The following SLC23A2 variants were observed in gnomAD, a reference collection of about 807,000 sequenced individuals.
SLC23A2 encodes the protein Na(+)/L-ascorbic acid transporter 2.
SLC23A2 carries 36 observed loss-of-function variants against 73.3 expected under a neutral mutation model. The ratio of observed to expected loss-of-function variants is 0.49; its 90% CI spans 0.38 to 0.65. The LOEUF (loss-of-function observed/expected upper bound fraction) is 0.65. SLC23A2 is among the 30% of genes least tolerant of loss of function. The pLI is 0.00. For synonymous variants in SLC23A2, 343 were observed against 327.3 expected, an observed-to-expected ratio of 1.05 and a Z score of -0.52; for missense variants, 507 against 841.6, an observed-to-expected ratio of 0.60 and a Z score of 4.92.
chr20:4,953,886 C>T (rs1600168129), intron 2 of SLC23A2, among the ~76,000 whole-genome samples: 1 of 151,656 alleles, frequency 6.6e-6, no homozygotes, highest in Admixed American at 6.6e-5. Flanking sequence ...GAGACTGTCT[C>T]AAAAATAGAT....
intron 7 of SLC23A2, 147 bp downstream of exon 7, chr20:4,885,674 T>C: frequency 3.1e-6 from 2 of 653,458 alleles, no homozygotes; most frequent in South Asian, 1.7e-5. Context: ...GATCCACAGA[T>C]GGAGCATTCT....
At chr20:4,914,079 A>C (rs1461917347) in intron 3 of SLC23A2, among the ~76,000 whole-genome samples, 4 of 151,864 alleles carry the variant, frequency 2.6e-5, no homozygotes, top group Non-Finnish European at 4.4e-5. Flanking sequence ...CTACAGATTT[A>C]AAAAGTATAT....
At chr20:4,869,661 A>C in intron 12 of SLC23A2, 3 of 449,466 alleles carry the variant, frequency 6.7e-6, no homozygotes, top group Admixed American at 3.9e-5. Context: ...TGTCACTGCA[A>C]TTAAGGAAGG....
chr20:4,930,329 T>C (rs1163962078), intron 3 of SLC23A2, among the ~76,000 whole-genome samples: 1 of 152,208 alleles, frequency 6.6e-6, no homozygotes, highest in Non-Finnish European at 1.5e-5. Flanking sequence ...CTGATGCCTC[T>C]TCCCCTAGAA....
chr20:4,900,267 A>G (rs1392824742), intron 5 of SLC23A2, among the ~76,000 whole-genome samples: 1 of 152,246 alleles, frequency 6.6e-6, no homozygotes, highest in Non-Finnish European at 1.5e-5. Flanking sequence ...GGAAACAGTC[A>G]ATATCAGCAC....
chr20:4,942,641 G>C (rs184142413), intron 2 of SLC23A2, among the ~76,000 whole-genome samples: 2 of 152,168 alleles, frequency 1.3e-5, no homozygotes, highest in Non-Finnish European at 2.9e-5. Flanking sequence ...CATTTTATCC[G>C]ACCATCTCTC....
chr20:4,880,419 G>A (rs1028127528), intron 9 of SLC23A2, among the ~76,000 whole-genome samples: 1 of 152,122 alleles, frequency 6.6e-6, no homozygotes, highest in African/African-American at 2.4e-5. Context: ...AGCCACGGGA[G>A]GGGCAGGTGC....
chr20:4,880,460 T>C (rs1017132706), intron 9 of SLC23A2, among the ~76,000 whole-genome samples: 2 of 151,932 alleles, frequency 1.3e-5, no homozygotes, highest in Non-Finnish European at 2.9e-5. Context: ...ACCCAGAGCG[T>C]AGGCCCTGCT....
At chr20:4,971,064 G>A (rs1050233251) in intron 1 of SLC23A2, 145 bp from the exon 2 acceptor site, 1 of 152,032 alleles carries the variant, frequency 6.6e-6, no homozygotes, top group Admixed American at 6.6e-5. Flanking sequence ...TGCCTCCAAG[G>A]CCCCAGCCTG....
In SLC23A2 at chr20:4,872,593, C is replaced by T. The variant is rs371658215; in HGVS notation, c.1102+1343G>A. 1.8e-4 allele frequency among the ~76,000 whole-genome samples: 27 copies of T among 152,254 alleles called. 1 individual carries two copies. The highest frequency in any genetic ancestry group is 6.0e-4 in the African/African-American group (25 of 41,554). On this transcript the variant is annotated intron_variant, in intron 11 of 16. Coordinates refer to ENST00000338244, the MANE Select transcript of SLC23A2 (RefSeq NM_005116.6). This position sits in a 1 kb window ranked among gnomAD's most constrained non-coding sequence, Gnocchi z 4.4. ...GGGGCTTCTACCTACCTGCCACCCCCGCCTCGCCCTCACCCTGACTGCCTC... is the reference window on the plus strand; with the variant it reads ...GGGGCTTCTACCTACCTGCCACCCCTGCCTCGCCCTCACCCTGACTGCCTC...
In SLC23A2 at chr20:4,973,390, G is replaced by C. The variant is rs376835719; in HGVS notation, c.-281-2471C>G. ...ATTGGAAAATTCTGAATGGGGAAGC[G>C]AAAGTACTATGACTCCTTAAAGACA... is the stretch of plus-strand genomic sequence containing the variant. On this transcript the variant is annotated intron_variant, in intron 1 of 16. Transcript: ENST00000338244. 3.3e-5 allele frequency among the ~76,000 whole-genome samples: 5 copies of C among 152,276 alleles called. No homozygotes were observed. In the East Asian group the frequency reaches 7.7e-4, roughly 24 times the overall value.
At chr20:4,912,014 T>C (rs888560691) in intron 4 of SLC23A2, among the ~76,000 whole-genome samples, 1 of 150,704 alleles carries the variant, frequency 6.6e-6, no homozygotes, top group Non-Finnish European at 1.5e-5. Flanking sequence ...TTATTTCTTT[T>C]TTTTTTTTTT....
chr20:4,929,320 T>C (rs566046341), intron 3 of SLC23A2, among the ~76,000 whole-genome samples: 22 of 150,366 alleles, frequency 1.5e-4, no homozygotes, highest in Admixed American at 9.3e-4. Flanking sequence ...AAAATGGGGC[T>C]GACACTGGGA....
chr20:4,940,616 G>A (rs2087025652), intron 2 of SLC23A2, among the ~76,000 whole-genome samples: 1 of 152,126 alleles, frequency 6.6e-6, no homozygotes, highest in Non-Finnish European at 1.5e-5. Context: ...AGAAAGCACA[G>A]AAATATTTAT....
At chr20:4,908,376 A>G (rs1050603781) in intron 4 of SLC23A2, among the ~76,000 whole-genome samples, 2 of 152,220 alleles carry the variant, frequency 1.3e-5, no homozygotes, top group African/African-American at 4.8e-5. Context: ...TACATTAACA[A>G]CGAAAAATTG....
chr20:4,980,554 C>CG (rs2087710411), intron 1 of SLC23A2, among the ~76,000 whole-genome samples: 1 of 148,690 alleles, frequency 6.7e-6, no homozygotes, highest in African/African-American at 2.5e-5. Flanking sequence ...TTTTTTGAGA[C>CG]GGGGTCTCAT....
At chr20:4,910,664 G>A (rs1268229434) in intron 4 of SLC23A2, among the ~76,000 whole-genome samples, 1 of 152,130 alleles carries the variant, frequency 6.6e-6, no homozygotes, top group Admixed American at 6.5e-5. Context: ...TTGAACTCCT[G>A]ACCTCAAGTG....
intron 6 of SLC23A2, among the ~76,000 whole-genome samples, chr20:4,893,406 C>T (rs1420027397): frequency 2.0e-5 from 3 of 152,160 alleles, no homozygotes; most frequent in African/African-American, 7.2e-5. Context: ...AAAAAAATTA[C>T]ACTTGTACCC....
At position 4,872,501 on chromosome 20, in the gene SLC23A2, G is replaced by A. The variant is rs183785985; in HGVS notation, c.1102+1435C>T. 6.0e-4 allele frequency among the ~76,000 whole-genome samples: 92 copies of A among 152,190 alleles called. 1 individual carries two copies. The highest frequency in any genetic ancestry group is 9.1e-4 in the Non-Finnish European group (62 of 68,006). ...CTGCCTCTCCTGGACAGCCCAGCTTGTGCCCCTACTGGCGCCCACCTTGGG... is the reference window on the plus strand; with the variant it reads ...CTGCCTCTCCTGGACAGCCCAGCTTATGCCCCTACTGGCGCCCACCTTGGG... On this transcript the variant is annotated intron_variant, in intron 11 of 16. Coordinates refer to ENST00000338244, the MANE Select transcript of SLC23A2 (RefSeq NM_005116.6). This position sits in a 1 kb window ranked among gnomAD's most constrained non-coding sequence, Gnocchi z 4.4.
Sources: gnomAD v4.1 joint callset for allele counts (sites outside exome capture counted in the v4.1 genomes callset) on GRCh38, gnomAD v4.1.1 for gene constraint, Gnocchi (gnomAD v3.1) non-coding constraint, MANE v1.5 for transcripts, NCBI Gene and HGNC (gene_info 2026-07-23, HGNC 2026-07-21) for gene names.